The following RNLS variants were observed in gnomAD, a reference collection of about 807,000 sequenced individuals.
The protein encoded by RNLS is renalase, FAD dependent amine oxidase, also known as renalase.
A neutral mutation model predicts 39.8 loss-of-function variants in RNLS; 39 were observed. The observed-to-expected ratio is 0.98, with a 90% CI of 0.76 to 1.28. The LOEUF (loss-of-function observed/expected upper bound fraction) is 1.28, where lower values mean the gene tolerates loss of function less well. Among genes scored for constraint, RNLS ranks in the 50% most tolerant of loss-of-function variants. The pLI, the probability that RNLS is intolerant of heterozygous loss-of-function variation, is 0.00. For synonymous variants in RNLS, 147 were observed against 150.7 expected, an observed-to-expected ratio of 0.98 and a Z score of 0.18; for missense variants, 410 against 413.3, an observed-to-expected ratio of 0.99 and a Z score of 0.07.
intron 5 of RNLS, among the ~76,000 whole-genome samples, chr10:88,338,271 T>A (rs943733435): frequency 6.6e-6 from 1 of 152,242 alleles, no homozygotes; most frequent in Non-Finnish European, 1.5e-5. Flanking sequence ...GCTTTCTCAA[T>A]CCTTGAGCCA....
At chr10:88,554,198 C>T (rs1848738952) in intron 4 of RNLS, among the ~76,000 whole-genome samples, 1 of 151,340 alleles carries the variant, frequency 6.6e-6, no homozygotes, top group Non-Finnish European at 1.5e-5. Context: ...TGAACTTGGG[C>T]ATGTTATTCT....
chr10:88,512,612 C>G (rs1218375395), intron 4 of RNLS, among the ~76,000 whole-genome samples: 1 of 152,084 alleles, frequency 6.6e-6, no homozygotes, highest in Non-Finnish European at 1.5e-5. Context: ...ATCTGTAAGA[C>G]AGAGTACACA....
At position 88,382,929 on chromosome 10, in the gene RNLS, G is replaced by A. The variant is rs113640087; in HGVS notation, c.527-20204C>T. On this transcript the variant is annotated intron_variant, in intron 4 of 6. Transcript: ENST00000331772. ...TCTTCTAAGATGTGTTCCAATAGACGGTGGTAAAATATTTATTTTAAAGCA... is the reference window on the plus strand; with the variant it reads ...TCTTCTAAGATGTGTTCCAATAGACAGTGGTAAAATATTTATTTTAAAGCA... Among the ~76,000 whole-genome samples the A allele has an allele frequency of 2.6e-3, 401 of 152,134 alleles. 3 individuals are homozygous for A. The highest frequency in any genetic ancestry group is 4.3e-3 in the Non-Finnish European group (289 of 67,930).
chr10:88,548,261 CAAAAAAAAAAAAA>C (rs869175046), intron 4 of RNLS, among the ~76,000 whole-genome samples: 44 of 32,406 alleles, frequency 1.4e-3, no homozygotes, highest in Admixed American at 2.8e-3. Flanking sequence ...GACTCCGTCT[CAAAAAAAAAAAAA>C]AAAAAAAAAA....
At chr10:88,481,152 T>C (rs1490953959) in intron 4 of RNLS, among the ~76,000 whole-genome samples, 2 of 152,202 alleles carry the variant, frequency 1.3e-5, no homozygotes, top group Non-Finnish European at 2.9e-5. Flanking sequence ...TTATGGTTAC[T>C]GTTTGCATAA....
the RNLS span, among the ~76,000 whole-genome samples, chr10:88,204,792 T>C: frequency 6.6e-6 from 1 of 152,168 alleles, no homozygotes; most frequent in Non-Finnish European, 1.5e-5. Flanking sequence ...AACTTATTTT[T>C]CCCTTCCCTT....
chr10:88,571,206 AC>A (rs767031390), intron 4 of RNLS, among the ~76,000 whole-genome samples: 3 of 151,754 alleles, frequency 2.0e-5, no homozygotes, highest in Non-Finnish European at 4.4e-5. Context: ...GACCTCGAAC[AC>A]CTGGGCTCAA....
chr10:88,288,505 CTA>C (rs1843442905), intron 6 of RNLS, among the ~76,000 whole-genome samples: 1 of 152,068 alleles, frequency 6.6e-6, no homozygotes. Flanking sequence ...ATGTGTGTGT[CTA>C]TGTATAATTT....
intron 5 of RNLS, among the ~76,000 whole-genome samples, chr10:88,318,361 G>A (rs1407403452): frequency 1.3e-5 from 2 of 152,214 alleles, no homozygotes; most frequent in African/African-American, 4.8e-5. Flanking sequence ...ATCGGTGAAG[G>A]GGGTAGCACT....
intron 4 of RNLS, among the ~76,000 whole-genome samples, chr10:88,476,029 A>G (rs549291543): frequency 1.3e-5 from 2 of 152,268 alleles, no homozygotes; most frequent in East Asian, 3.9e-4. Flanking sequence ...ATGATTCAGG[A>G]GACTCTTCTT....
At chr10:88,339,408 TTTTTTA>T (rs1847766054) in intron 5 of RNLS, among the ~76,000 whole-genome samples, 1 of 152,154 alleles carries the variant, frequency 6.6e-6, no homozygotes, top group African/African-American at 2.4e-5. Context: ...TCCTGGGGTG[TTTTTTA>T]TTAAGGTCTT....
intron 4 of RNLS, among the ~76,000 whole-genome samples, chr10:88,507,821 T>C (rs796403878): frequency 6.6e-6 from 1 of 152,160 alleles, no homozygotes; most frequent in Non-Finnish European, 1.5e-5. Flanking sequence ...AATCTACTGA[T>C]AAAAGAATGC....
At chr10:88,225,191 C>T in the RNLS span, among the ~76,000 whole-genome samples, 6 of 152,196 alleles carry the variant, frequency 3.9e-5, no homozygotes, top group Non-Finnish European at 8.8e-5. Flanking sequence ...GTGATGAGAC[C>T]TCTTCACGAG....
chr10:88,551,735 C>T (rs963425832), intron 4 of RNLS, among the ~76,000 whole-genome samples: 22 of 151,238 alleles, frequency 1.5e-4, no homozygotes, highest in African/African-American at 4.1e-4. Context: ...TTTGGCTCTT[C>T]TGGTGGGTAG....
At chr10:88,433,976 T>C (rs1315339379) in intron 4 of RNLS, among the ~76,000 whole-genome samples, 2 of 152,144 alleles carry the variant, frequency 1.3e-5, no homozygotes, top group South Asian at 2.1e-4. Flanking sequence ...TTGGTGTTAT[T>C]TGAAGTGTCT....
chr10:88,439,811 A>G (rs188334689), intron 4 of RNLS, among the ~76,000 whole-genome samples: 376 of 152,294 alleles, frequency 2.5e-3, no homozygotes, highest in African/African-American at 8.4e-3. Flanking sequence ...TATTGTTTCA[A>G]TTAAATTCAC....
intron 4 of RNLS, among the ~76,000 whole-genome samples, chr10:88,557,753 C>A (rs1848951330): frequency 6.6e-6 from 1 of 152,096 alleles, no homozygotes; most frequent in Non-Finnish European, 1.5e-5. Context: ...TGCCAGAAAG[C>A]TAAAATCTTA....
intron 5 of RNLS, among the ~76,000 whole-genome samples, chr10:88,332,923 A>G (rs1054274145): frequency 6.6e-6 from 1 of 152,208 alleles, no homozygotes; most frequent in Non-Finnish European, 1.5e-5. Context: ...GAAACAAGAT[A>G]TGATTCATTT....
intron 5 of RNLS, chr10:88,343,807 C>A (rs1589603207): frequency 1.0e-6 from 1 of 985,334 alleles, no homozygotes; most frequent in East Asian, 1.1e-4. Context: ...CTTTTATTTG[C>A]ACTGCCAAAA....
Sources: gnomAD v4.1 joint callset for allele counts (sites outside exome capture counted in the v4.1 genomes callset) on GRCh38, gnomAD v4.1.1 for gene constraint, MANE v1.5 for transcripts, NCBI Gene and HGNC (gene_info 2026-07-23, HGNC 2026-07-21) for gene names.